Variants in RNF111 observed in about 807,000 individuals in gnomAD.
The protein encoded by RNF111 is E3 ubiquitin-protein ligase Arkadia.
RNF111 carries 17 observed loss-of-function variants against 95.1 expected under a neutral mutation model. The ratio of observed to expected loss-of-function variants is 0.18; its 90% confidence interval spans 0.12 to 0.27. RNF111 has a LOEUF of 0.27. RNF111 is among the 10% of genes least tolerant of loss of function. The probability of loss-of-function intolerance (pLI) is 1.00; values close to 1 mark genes in which losing one functional copy is unlikely to be tolerated. For missense variants in RNF111, 1,189 were observed against 1,210.4 expected (o/e 0.98, Z 0.26); for synonymous variants, 440 against 414.8 (o/e 1.06, Z -0.74).
intron 7 of RNF111, among the ~76,000 whole-genome samples, chr15:59,080,114 C>CTTTTTTTTTTTTTTT (rs1194255542): frequency 1.2e-5 from 1 of 85,446 alleles, no homozygotes; most frequent in Non-Finnish European, 2.1e-5. Flanking sequence ...TTGTGTGCTC[C>CTTTTTTTTTTTTTTT]TTTTTTTTTT....
At chr15:59,015,105 C>A (rs1184516964) in intron 1 of RNF111, among the ~76,000 whole-genome samples, 1 of 152,002 alleles carries the variant, frequency 6.6e-6, no homozygotes, top group African/African-American at 2.4e-5. Flanking sequence ...TGCTATTTAG[C>A]CTTAGTTTTA....
At chr15:59,089,927 A>G (rs1169813372) in intron 11 of RNF111, among the ~76,000 whole-genome samples, 168 bp downstream of exon 11, 1 of 152,180 alleles carries the variant, frequency 6.6e-6, no homozygotes, top group Non-Finnish European at 1.5e-5. Flanking sequence ...AGTATTATTA[A>G]TCTTAGGGTC....
At chr15:59,063,790 C>A (rs1455743190) in intron 5 of RNF111, among the ~76,000 whole-genome samples, 3 of 152,130 alleles carry the variant, frequency 2.0e-5, no homozygotes, top group African/African-American at 7.2e-5. Context: ...CAAACTCATA[C>A]CCTGACTTTT....
intron 4 of RNF111, among the ~76,000 whole-genome samples, chr15:59,056,738 G>T (rs1338553059): frequency 6.6e-6 from 1 of 152,076 alleles, no homozygotes; most frequent in Non-Finnish European, 1.5e-5. Flanking sequence ...CAATCTCTTG[G>T]TTTTTGTTTT....
At chr15:59,048,493 T>G (rs1188166437) in intron 2 of RNF111, among the ~76,000 whole-genome samples, 2 of 152,192 alleles carry the variant, frequency 1.3e-5, no homozygotes, top group African/African-American at 4.8e-5. Flanking sequence ...CGAGCTCTTT[T>G]GGGGTTATTG....
At position 59,058,430 on chromosome 15, in the gene RNF111, C is replaced by T. The variant is rs374498644; in HGVS notation, c.1246C>T (p.Pro416Ser). ...TAGCGCTTCCATTAACAATTCAAAT[C>T]CATCTACCTCTGAGCAGGCCTCTGA... ...ATSASINNSN[P>S]STSEQASDTA... The change falls in exon 5 of 14, where the codon CCA (proline) becomes TCA (serine). Residue 416 changes from proline to serine, a missense_variant. Pro to Ser is a moderately conservative substitution (Grantham distance 74). This residue lies in a region of RNF111 where 1,024 missense variants were observed against 925.9 expected (regional missense o/e 1.11). Coordinates refer to ENST00000348370, the MANE Select transcript of RNF111 (RefSeq NM_017610.8). 1.9e-6 allele frequency: 3 copies of T among 1,614,122 alleles called. No individual in the cohort carries two copies. Among genetic ancestry groups the T allele is most frequent in the Non-Finnish European group, 2.5e-6 (3 of 1,179,994 alleles).
intron 1 of RNF111, among the ~76,000 whole-genome samples, chr15:59,012,729 C>T (rs2039883818): frequency 6.7e-6 from 1 of 149,222 alleles, no homozygotes; most frequent in African/African-American, 2.5e-5. Flanking sequence ...CATGGTGGTT[C>T]CAACTCTTTT....
intron 1 of RNF111, chr15:58,988,335 C>CTA (rs1438370776): frequency 5.9e-5 from 9 of 152,324 alleles, no homozygotes; most frequent in Admixed American, 5.2e-4. Context: ...ACTTCCGACT[C>CTA]TCCCTAGAGT....
intron 1 of RNF111, among the ~76,000 whole-genome samples, chr15:58,996,736 A>G (rs573457373): frequency 3.3e-5 from 4 of 122,882 alleles, no homozygotes; most frequent in East Asian, 4.7e-4. Context: ...TCACCTGTGT[A>G]TGGATATTTG....
intron 1 of RNF111, among the ~76,000 whole-genome samples, chr15:59,021,804 T>A (rs2040358412): frequency 6.6e-6 from 1 of 152,196 alleles, no homozygotes; most frequent in Non-Finnish European, 1.5e-5. Context: ...TAATTTCACT[T>A]GTTTCCTAGA....
At chr15:59,090,865 C>T (rs1427590765) in intron 11 of RNF111, among the ~76,000 whole-genome samples, 194 bp from the exon 12 acceptor site, 1 of 152,098 alleles carries the variant, frequency 6.6e-6, no homozygotes, top group Non-Finnish European at 1.5e-5. Flanking sequence ...TGAGACCAGC[C>T]TGGGCAACAT....
At chr15:59,055,404 TA>T (rs1200538334) in intron 3 of RNF111, among the ~76,000 whole-genome samples, 9 of 152,192 alleles carry the variant, frequency 5.9e-5, no homozygotes, top group African/African-American at 2.2e-4. Flanking sequence ...TAGTTTATTA[TA>T]ACCTGGGTAA....
At position 59,031,574 on chromosome 15, in the gene RNF111, C is replaced by G; in HGVS notation, c.752C>G (p.Pro251Arg). The change falls in exon 2 of 14, where the codon CCT becomes CGT. Residue 251 changes from proline (P) to arginine (R), a missense_variant. Around this residue, in one of 2 missense-constraint regions of RNF111, gnomAD observed 1,024 missense variants for 925.9 expected, o/e 1.11. Transcript: ENST00000348370. The stretch of plus-strand genomic sequence containing the variant: ...GCTCGAAGAAAATATGCCTTGCTAC[C>G]TAGTTCTAGTAGTTCCAGTGAGAAT... ...VLARRKYALL[P>R]SSSSSSENDL... 1 of 1,614,130 alleles carries G rather than the reference C, an allele frequency of 6.2e-7. No homozygotes were observed. The highest frequency in any genetic ancestry group is 8.5e-7 in the Non-Finnish European group (1 of 1,180,016).
At chr15:59,075,876 T>C in intron 6 of RNF111, 78 bp from the exon 7 acceptor site, 1 of 1,458,734 alleles carries the variant, frequency 6.9e-7, no homozygotes, top group East Asian at 2.4e-5. Flanking sequence ...TTTGGTTATA[T>C]TAGGAATACT....
intron 1 of RNF111, among the ~76,000 whole-genome samples, chr15:59,001,380 C>G (rs1215776333): frequency 6.6e-6 from 1 of 152,128 alleles, no homozygotes; most frequent in Non-Finnish European, 1.5e-5. Flanking sequence ...TAACAGGATT[C>G]TATTGCCATC....
intron 8 of RNF111, among the ~76,000 whole-genome samples, chr15:59,081,707 G>C (rs747401511): frequency 3.9e-5 from 6 of 152,096 alleles, no homozygotes; most frequent in African/African-American, 7.2e-5. Context: ...GGTAGAGCAA[G>C]ACCCTGTGTC....
intron 1 of RNF111, among the ~76,000 whole-genome samples, chr15:59,023,932 G>T (rs144912652): frequency 4.3e-4 from 66 of 152,274 alleles, no homozygotes; most frequent in Middle Eastern, 3.4e-3. Flanking sequence ...TCTGGAAGGT[G>T]CAACCACTTT....
intron 8 of RNF111, among the ~76,000 whole-genome samples, chr15:59,083,577 C>A (rs146861234): frequency 1.3e-5 from 2 of 151,694 alleles, no homozygotes; most frequent in Non-Finnish European, 2.9e-5. Flanking sequence ...TACACGTTTC[C>A]TAGGTGTGTT....
rs537896910 is a variant in RNF111 at position 59,088,024 on chromosome 15, G to C, written c.2551-1643G>C. ...GCCTTCTTGCTTTATAAGCTTGGCT[G>C]TGAAGGGAAAGTGAAGGAAACCCCT... On this transcript the variant is annotated intron_variant, in intron 10 of 13. Transcript: ENST00000348370. 1.1e-4 allele frequency among the ~76,000 whole-genome samples: 17 copies of C among 152,316 alleles called. No individual in the cohort carries two copies. In the South Asian group the frequency reaches 3.5e-3, roughly 32 times the overall value.
Sources: allele counts gnomAD v4.1 joint callset (sites outside exome capture counted in the v4.1 genomes callset), GRCh38; gene constraint gnomAD v4.1.1; regional missense constraint gnomAD v4.1.1; transcripts MANE v1.5; gene names NCBI Gene and HGNC (gene_info 2026-07-23, HGNC 2026-07-21).